The following CNBP variants were observed in gnomAD, a reference collection of about 807,000 sequenced individuals.
The protein encoded by CNBP is cellular nucleic acid-binding protein.
In CNBP, 6 loss-of-function variants were observed where a neutral mutation model predicts 21.2. The ratio of observed to expected loss-of-function variants is 0.28; its 90% CI spans 0.16 to 0.56. CNBP has a LOEUF of 0.56. Ranked by LOEUF, CNBP falls within the 20% of genes least tolerant of loss-of-function variation. CNBP has a pLI of 0.93. For missense variants in CNBP, 112 were observed against 233.1 expected (o/e 0.48, Z 3.38); for synonymous variants, 61 against 74.9 (o/e 0.81, Z 0.96).
At position 129,168,807 on chromosome 3, in the gene CNBP, A is replaced by C. The variant is rs1034315552; in HGVS notation, c.*1646T>G. Among the ~76,000 whole-genome samples, 10 of 151,902 alleles carry C rather than the reference A, an allele frequency of 6.6e-5. No homozygotes were observed. The highest frequency in any genetic ancestry group is 2.4e-4 in the African/African-American group (10 of 41,358). On this transcript the variant is annotated 3_prime_UTR_variant, in exon 5 of 5. Coordinates refer to ENST00000422453, the MANE Select transcript of CNBP (RefSeq NM_003418.5). ...GAAACCCAGTCTCTACTAAAAATAC[A>C]AAAAATAGGCCGGGCGCGGTGGCTC...
Position 129,170,334 on chromosome 3 carries a change from A to C in CNBP, c.*119T>G. On this transcript the variant is annotated 3_prime_UTR_variant, in exon 5 of 5. Transcript: ENST00000422453. ...CACCCCTTTCCTCCTTTTACACGGC[A>C]AGTAAAGCTCACTGGCCTGGGAGTT... 1 of 804,636 alleles carries C rather than the reference A, an allele frequency of 1.2e-6. No homozygotes were observed. Among genetic ancestry groups the C allele is most frequent in the Non-Finnish European group, 2.1e-6 (1 of 475,524 alleles). The allele number at this position is 804,636 out of a possible 1,614,324, so 49.8% of individuals were successfully genotyped here. A position where few individuals can be genotyped will look rare whatever the true frequency, so the allele number is the denominator to read the frequency against.
At position 129,172,676 on chromosome 3, in the gene CNBP, A is replaced by G. The variant is rs1389995019; in HGVS notation, c.-14-905T>C. On this transcript the variant is annotated intron_variant, in intron 1 of 4. Coordinates refer to ENST00000422453, the MANE Select transcript of CNBP (RefSeq NM_003418.5). ...GGCAGGCAGACAGACAGACAGACAG[A>G]CAGACAGACAGACAGACAGACACAC... Among the ~76,000 whole-genome samples the G allele has an allele frequency of 6.6e-3, 771 of 116,274 alleles. 24 individuals carry two copies. The highest frequency in any genetic ancestry group is 0.023 in the African/African-American group (658 of 28,640). 76.3% of individuals were successfully genotyped at this position (116,274 alleles called of 152,430 possible). A position where few individuals can be genotyped will look rare whatever the true frequency, so the allele number is the denominator to read the frequency against.
chr3:129,177,241 G>C (rs1263239640), intron 1 of CNBP, among the ~76,000 whole-genome samples: 3 of 152,166 alleles, frequency 2.0e-5, no homozygotes, highest in African/African-American at 7.2e-5. Context: ...CTTACTGAAG[G>C]TTCCTTGGGT....
rs147469310 is a variant in CNBP at position 129,182,309 on chromosome 3, T to C, written c.-15+1467A>G. ...TGAGAAAGACAAAAAACAAATTCAG[T>C]TTTGGCTTATCTCACCTGAGTCCTT... On this transcript the variant is annotated intron_variant, in intron 1 of 4. Transcript: ENST00000422453. Among the ~76,000 whole-genome samples the C allele has an allele frequency of 3.1e-3, 472 of 152,218 alleles. 4 individuals are homozygous for C. Among genetic ancestry groups the C allele is most frequent in the African/African-American group, 0.011 (460 of 41,528 alleles).
chr3:129,181,629 G>A (rs1317213379), intron 1 of CNBP, among the ~76,000 whole-genome samples: 2 of 66,212 alleles, frequency 3.0e-5, no homozygotes, highest in East Asian at 5.0e-4. Context: ...CAGCTTGGGC[G>A]ACAGAGTGAG....
chr3:129,183,024 TCAC>T (rs774579888), intron 1 of CNBP, among the ~76,000 whole-genome samples: 7 of 152,086 alleles, frequency 4.6e-5, no homozygotes, highest in Non-Finnish European at 7.4e-5. Flanking sequence ...CGATCTCGGC[TCAC>T]CACAACCTCG....
rs1937476693 is a variant in CNBP at position 129,167,865 on chromosome 3, CAT to C, written c.*2586_*2587del. ...ATATTTATTGTGTTAACATGTGAGA[CAT>C]ACAATTTGCTCAGTAAAAATAGCAC... On this transcript the variant is annotated 3_prime_UTR_variant, in exon 5 of 5. Coordinates refer to ENST00000422453, the MANE Select transcript of CNBP (RefSeq NM_003418.5). Among the ~76,000 whole-genome samples the C allele has an allele frequency of 6.6e-6, 1 of 152,182 alleles. No homozygotes were observed. The highest frequency in any genetic ancestry group is 2.4e-5 in the African/African-American group (1 of 41,426).
At chr3:129,171,831 C>T in intron 1 of CNBP, 60 bp from the exon 2 acceptor site, 1 of 1,515,774 alleles carries the variant, frequency 6.6e-7, no homozygotes, top group South Asian at 1.2e-5. Flanking sequence ...CTTTTATTCT[C>T]TATTAAATGT....
rs1477273032 is a variant in CNBP at position 129,169,300 on chromosome 3, A to T, written c.*1153T>A. Among the ~76,000 whole-genome samples the T allele has an allele frequency of 6.6e-6, 1 of 152,002 alleles. No individual in the cohort carries two copies. Among genetic ancestry groups the T allele is most frequent in the Non-Finnish European group, 1.5e-5 (1 of 67,994 alleles). ...AGACTCCGTCTCCAAAACAAAACAA[A>T]ACCACCACCACCAAAAAACCTGTTC... On this transcript the variant is annotated 3_prime_UTR_variant, in exon 5 of 5. Transcript: ENST00000422453.
chr3:129,171,417 G>T (rs766662321), intron 3 of CNBP, 29 bp downstream of exon 3: 1 of 1,601,102 alleles, frequency 6.2e-7, no homozygotes, highest in South Asian at 1.1e-5. Context: ...GCTCTAGAGG[G>T]GTATGAAAAG....
intron 1 of CNBP, among the ~76,000 whole-genome samples, chr3:129,183,298 G>A (rs1938443648): frequency 6.6e-6 from 1 of 152,162 alleles, no homozygotes; most frequent in Admixed American, 6.5e-5. Context: ...GGCCCGCCAG[G>A]CGCACGACCC....
intron 1 of CNBP, among the ~76,000 whole-genome samples, 188 bp downstream of exon 1, chr3:129,183,588 G>A (rs970249815): frequency 7.2e-5 from 11 of 152,360 alleles, no homozygotes; most frequent in African/African-American, 1.9e-4. Flanking sequence ...AGTGTCGTCC[G>A]ACAGCGGTGC....
chr3:129,171,650 A>G lies in CNBP; in HGVS notation c.108T>C (p.Gly36=). The G allele has an allele frequency of 1.9e-6, 3 of 1,614,218 alleles. No individual in the cohort carries two copies. The highest frequency in any genetic ancestry group is 2.5e-6 in the Non-Finnish European group (3 of 1,180,044). Residue 36 remains glycine, a synonymous_variant, in exon 2 of 5, where the codon GGT becomes GGC. Coordinates refer to ENST00000422453, the MANE Select transcript of CNBP (RefSeq NM_003418.5). The part of the protein sequence containing the change: ...GRGMRSRGRG[G]FTSDRGFQFV... Reference sequence around the variant, plus strand: ...ACAAAATACCTCTATCCGAGGTAAAACCACCTCTGCCACGGCTTCTCATTC... The same window carrying G: ...ACAAAATACCTCTATCCGAGGTAAAGCCACCTCTGCCACGGCTTCTCATTC...
Position 129,168,304 on chromosome 3 carries a change from C to T in CNBP, c.*2149G>A, listed in dbSNP as rs9880375. ...AGGTCCATCTCAACTCTAAATGAGACACTAGCAAAAACAAGGAATCCACCA... is the reference window on the plus strand; with the variant it reads ...AGGTCCATCTCAACTCTAAATGAGATACTAGCAAAAACAAGGAATCCACCA... On this transcript the variant is annotated 3_prime_UTR_variant, in exon 5 of 5. Transcript: ENST00000422453. Among the ~76,000 whole-genome samples, 148,624 of 152,124 alleles carry T rather than the reference C, an allele frequency of 0.98. 72,620 individuals are homozygous for T. Among genetic ancestry groups the T allele is most frequent in the East Asian group, 1 (5,161 of 5,178 alleles).
chr3:129,171,052 T>C (rs752048666), intron 4 of CNBP, 27 bp downstream of exon 4: 8 of 1,595,896 alleles, frequency 5.0e-6, no homozygotes, highest in Non-Finnish European at 6.8e-6. Flanking sequence ...CAATGAGTTT[T>C]CTTCTAACAA....
At chr3:129,181,841 T>C in intron 1 of CNBP, among the ~76,000 whole-genome samples, 1 of 152,026 alleles carries the variant, frequency 6.6e-6, no homozygotes, top group African/African-American at 2.4e-5. Context: ...CGGAAAAACT[T>C]AAGTCTTTAA....
chr3:129,183,532 C>T (rs1167350125), intron 1 of CNBP, among the ~76,000 whole-genome samples: 2 of 152,232 alleles, frequency 1.3e-5, no homozygotes, highest in Non-Finnish European at 2.9e-5. Context: ...CGCCGAAAGA[C>T]CCGCATGCTC....
chr3:129,179,067 C>G (rs778750429), intron 1 of CNBP, among the ~76,000 whole-genome samples: 1 of 151,994 alleles, frequency 6.6e-6, no homozygotes, highest in Non-Finnish European at 1.5e-5. Context: ...CACCAAAGGT[C>G]GGGAGCTCAG....
intron 1 of CNBP, among the ~76,000 whole-genome samples, chr3:129,180,216 TGTAA>T (rs781727204): frequency 5.3e-5 from 8 of 152,246 alleles, no homozygotes; most frequent in East Asian, 1.9e-4. Context: ...ATTGTAATGC[TGTAA>T]GTATTCATTC....
Sources: gnomAD v4.1 joint callset for allele counts (sites outside exome capture counted in the v4.1 genomes callset) on GRCh38, gnomAD v4.1.1 for gene constraint, MANE v1.5 for transcripts, NCBI Gene and HGNC (gene_info 2026-07-23, HGNC 2026-07-21) for gene names.